The following CTNND2 variants were observed in gnomAD, a reference collection of about 807,000 sequenced individuals.
CTNND2 encodes the protein catenin delta 2, also known as catenin delta-2.
A neutral mutation model predicts 144.4 loss-of-function variants in CTNND2; 22 were observed. That is an observed-to-expected ratio of 0.15 (90% CI 0.11 to 0.22). The LOEUF is 0.22. Among genes scored for constraint, CTNND2 ranks in the 10% least tolerant of loss-of-function variants. The probability of loss-of-function intolerance (pLI) is 1.00; values close to 1 mark genes in which losing one functional copy is unlikely to be tolerated. For synonymous variants in CTNND2, 751 were observed against 695.6 expected (o/e 1.08, Z -1.25); for missense variants, 1,353 against 1,618.8 (o/e 0.84, Z 2.82).
chr5:11,752,877 T>C (rs147065756), intron 1 of CTNND2, among the ~76,000 whole-genome samples: 16 of 151,972 alleles, frequency 1.1e-4, no homozygotes, highest in African/African-American at 3.1e-4. Context: ...GTAATTCTCA[T>C]TGTAGAGATC....
rs1384465481 is a variant in CTNND2 at position 11,904,278 on chromosome 5, CCCCGCGCGCGG to C, written c.-436_-426del. ...CGGCGCCGAGCGCTCCCGAGCTGCG[CCCCGCGCGCGG>C]CCCGCGCCACCTGTGCCGCCGCCGC... On this transcript the variant is annotated 5_prime_UTR_variant, in exon 1 of 22. Coordinates refer to ENST00000304623, the MANE Select transcript of CTNND2 (RefSeq NM_001332.4). This position sits in a 1 kb window ranked among gnomAD's most constrained non-coding sequence, Gnocchi z 4.2. Among the ~76,000 whole-genome samples the C allele has an allele frequency of 2.1e-5, 3 of 146,056 alleles. No homozygotes were observed. The highest frequency in any genetic ancestry group is 6.8e-5 in the Admixed American group (1 of 14,736).
chr5:11,441,638 C>T (rs1581203554), intron 3 of CTNND2, among the ~76,000 whole-genome samples: 1 of 120,164 alleles, frequency 8.3e-6, no homozygotes, highest in South Asian at 3.4e-4. Context: ...CCCCACCCCC[C>T]ACCCCACCCC....
At chr5:11,192,918 G>C (rs934256662) in intron 11 of CTNND2, among the ~76,000 whole-genome samples, 1 of 152,194 alleles carries the variant, frequency 6.6e-6, no homozygotes, top group Admixed American at 6.5e-5. Flanking sequence ...TGGCTTCTGG[G>C]AACATGCCTG....
intron 1 of CTNND2, among the ~76,000 whole-genome samples, chr5:11,817,722 G>C (rs1452458712): frequency 6.6e-6 from 1 of 152,070 alleles, no homozygotes; most frequent in Non-Finnish European, 1.5e-5. Flanking sequence ...GGTTACGGCG[G>C]GGATGGGATG....
intron 15 of CTNND2, among the ~76,000 whole-genome samples, chr5:11,094,325 A>C (rs998262319): frequency 5.9e-5 from 9 of 152,238 alleles, no homozygotes; most frequent in Non-Finnish European, 1.0e-4. Context: ...CGCAGAGTAG[A>C]TGGAACAGCC....
intron 7 of CTNND2, among the ~76,000 whole-genome samples, chr5:11,382,985 T>C (rs1758670438): frequency 1.3e-5 from 2 of 152,162 alleles, no homozygotes; most frequent in South Asian, 2.1e-4. Context: ...TCTTCTTAGA[T>C]GCAATGATAG....
intron 16 of CTNND2, among the ~76,000 whole-genome samples, chr5:11,057,441 G>A (rs1484394801): frequency 1.3e-5 from 2 of 152,206 alleles, no homozygotes; most frequent in Non-Finnish European, 2.9e-5. Context: ...GAGTTCCCCT[G>A]CACAAACTCT....
chr5:11,651,904 T>G (rs752537437), intron 2 of CTNND2, among the ~76,000 whole-genome samples: 4 of 152,138 alleles, frequency 2.6e-5, no homozygotes, highest in Non-Finnish European at 5.9e-5. Context: ...TTTTACAGGC[T>G]CAAAGGTAGA....
chr5:11,722,831 G>A (rs78339777), intron 2 of CTNND2, among the ~76,000 whole-genome samples: 5,671 of 152,146 alleles, frequency 0.037, 341 homozygotes, highest in African/African-American at 0.13. Context: ...ATGACATTTC[G>A]GTGAGGACAC....
intron 6 of CTNND2, among the ~76,000 whole-genome samples, chr5:11,388,726 G>T (rs538898755): frequency 6.6e-6 from 1 of 152,258 alleles, no homozygotes; most frequent in East Asian, 1.9e-4. Context: ...GTTACCTGAG[G>T]CTGTCATTCA....
intron 12 of CTNND2, among the ~76,000 whole-genome samples, chr5:11,135,465 T>C (rs1478646754): frequency 6.6e-6 from 1 of 152,218 alleles, no homozygotes; most frequent in Non-Finnish European, 1.5e-5. Flanking sequence ...ATTCAACTTT[T>C]GACAAAACAC....
chr5:11,257,592 A>C (rs1188306024), intron 9 of CTNND2, among the ~76,000 whole-genome samples: 1 of 152,174 alleles, frequency 6.6e-6, no homozygotes, highest in Non-Finnish European at 1.5e-5. Flanking sequence ...ACTCATTATC[A>C]ATGAGAACAG....
chr5:11,055,745 G>C (rs1357636706), intron 16 of CTNND2, among the ~76,000 whole-genome samples: 8 of 152,178 alleles, frequency 5.3e-5, no homozygotes, highest in Non-Finnish European at 1.5e-5. Flanking sequence ...GGCTGTGATT[G>C]GGGGTACTGG....
At chr5:11,679,940 A>G (rs1784351579) in intron 2 of CTNND2, among the ~76,000 whole-genome samples, 1 of 152,196 alleles carries the variant, frequency 6.6e-6, no homozygotes, top group Non-Finnish European at 1.5e-5. Flanking sequence ...TGAATGTTCT[A>G]AAGCACAATC....
chr5:11,667,887 T>A (rs1783662864), intron 2 of CTNND2, among the ~76,000 whole-genome samples: 1 of 152,248 alleles, frequency 6.6e-6, no homozygotes, highest in Non-Finnish European at 1.5e-5. Context: ...TCTAGGTTTT[T>A]ATGGTTTTAG....
intron 2 of CTNND2, among the ~76,000 whole-genome samples, chr5:11,645,063 T>C (rs1782276221): frequency 6.6e-6 from 1 of 152,158 alleles, no homozygotes; most frequent in Non-Finnish European, 1.5e-5. Flanking sequence ...ACTCCTGGGC[T>C]CAAGGGATCC....
intron 1 of CTNND2, among the ~76,000 whole-genome samples, chr5:11,892,239 A>G (rs6554655): frequency 0.98 from 148,676 of 152,336 alleles, 72,635 homozygotes; most frequent in Non-Finnish European, 1. Flanking sequence ...CATGCCAATG[A>G]TTTCATGCAA....
rs73055802 is a variant in CTNND2, at chr5:11,322,100, G to T, written c.1628+24272C>A. Among the ~76,000 whole-genome samples the T allele has an allele frequency of 5.2e-3, 785 of 152,162 alleles. 5 individuals are homozygous for T. Among genetic ancestry groups the T allele is most frequent in the African/African-American group, 0.018 (757 of 41,512 alleles). The stretch of plus-strand genomic sequence containing the variant: ...ATCAGTAACTTTTGCTTCTCTATAC[G>T]CATCATACTCTTTCTTTTGCAGAAA... On this transcript the variant is annotated intron_variant, in intron 9 of 21. Coordinates refer to ENST00000304623, the MANE Select transcript of CTNND2 (RefSeq NM_001332.4).
chr5:11,340,143 C>G (rs992848642), intron 9 of CTNND2, among the ~76,000 whole-genome samples: 1 of 152,162 alleles, frequency 6.6e-6, no homozygotes, highest in Admixed American at 6.5e-5. Flanking sequence ...GTCCTCTTTA[C>G]CTGGAAAGCT....
Sources: gnomAD v4.1 joint callset for allele counts (sites outside exome capture counted in the v4.1 genomes callset) on GRCh38, gnomAD v4.1.1 for gene constraint, Gnocchi (gnomAD v3.1) non-coding constraint, MANE v1.5 for transcripts, NCBI Gene and HGNC (gene_info 2026-07-23, HGNC 2026-07-21) for gene names.